The following RCOR2 variants were observed in gnomAD, a reference collection of about 807,000 sequenced individuals.
The protein encoded by RCOR2 is REST corepressor 2.
In RCOR2, 19 loss-of-function variants were observed where a neutral mutation model predicts 58.9. The observed-to-expected ratio is 0.32, with a 90% CI of 0.23 to 0.47. The LOEUF (loss-of-function observed/expected upper bound fraction) is 0.47, where lower values mean the gene tolerates loss of function less well. Among genes scored for constraint, RCOR2 ranks in the 20% least tolerant of loss-of-function variants. The probability of loss-of-function intolerance (pLI) is 1.00; values close to 1 mark genes in which losing one functional copy is unlikely to be tolerated. For missense variants in RCOR2, 590 were observed against 707.9 expected (o/e 0.83, Z 1.89); for synonymous variants, 286 against 278.7 (o/e 1.03, Z -0.26).
chr11:63,913,500 T>TTTTTTTTTTTTTTGG (rs1590734528), intron 8 of RCOR2, among the ~76,000 whole-genome samples: 2 of 147,320 alleles, frequency 1.4e-5, no homozygotes. Flanking sequence ...TATTTTTTTT[T>TTTTTTTTTTTTTTGG]GAGACGGAAT....
the RCOR2 span, among the ~76,000 whole-genome samples, chr11:63,924,938 C>A: frequency 4.0e-5 from 6 of 151,700 alleles, no homozygotes; most frequent in Non-Finnish European, 8.8e-5. Flanking sequence ...GCAACCTCCA[C>A]CTCCTGGGTT....
In RCOR2 at chr11:63,911,857, G is replaced by A. The variant is rs1353327010; in HGVS notation, c.*8C>T. The A allele has an allele frequency of 3.4e-5, 51 of 1,478,800 alleles. No homozygotes were observed. Among genetic ancestry groups the A allele is most frequent in the Non-Finnish European group, 4.1e-5 (46 of 1,124,460 alleles). 91.6% of individuals were successfully genotyped at this position (1,478,800 alleles called of 1,614,324 possible). A position where few individuals can be genotyped will look rare whatever the true frequency, so the allele number is the denominator to read the frequency against. ...CTGGAGCCCGTGGTTGGTGGAGGACGTCAGGGCTCAGAGTGAGGGTGCTGG... is the reference window on the plus strand; with the variant it reads ...CTGGAGCCCGTGGTTGGTGGAGGACATCAGGGCTCAGAGTGAGGGTGCTGG... On this transcript the variant is annotated 3_prime_UTR_variant, in exon 12 of 12. Transcript: ENST00000301459.
At chr11:63,916,166 G>A (rs1010931767) in intron 1 of RCOR2, among the ~76,000 whole-genome samples, 164 bp downstream of exon 1, 1 of 152,258 alleles carries the variant, frequency 6.6e-6, no homozygotes, top group African/African-American at 2.4e-5. Flanking sequence ...CAGATTGGCT[G>A]TGCCGGCAGC....
Position 63,911,691 on chromosome 11 carries a change from A to G in RCOR2, c.*174T>C. Reference sequence around the variant, plus strand: ...GGCCATGGCCCCAGGAGACAGGCCCAGCTGCCAGGAACACATGCAGAACCC... The same window carrying G: ...GGCCATGGCCCCAGGAGACAGGCCCGGCTGCCAGGAACACATGCAGAACCC... On this transcript the variant is annotated 3_prime_UTR_variant, in exon 12 of 12. Transcript: ENST00000301459. 4 of 1,090,962 alleles carry G rather than the reference A, an allele frequency of 3.7e-6. No individual in the cohort carries two copies. Among genetic ancestry groups the G allele is most frequent in the Non-Finnish European group, 4.8e-6 (4 of 827,206 alleles). The allele number at this position is 1,090,962 out of a possible 1,614,324, so 67.6% of individuals were successfully genotyped here.
At chr11:63,913,184 ATTTTT>A (rs71039683) in intron 8 of RCOR2, among the ~76,000 whole-genome samples, 68 of 77,846 alleles carry the variant, frequency 8.7e-4, no homozygotes, top group African/African-American at 3.1e-3. Context: ...ATATATATAT[ATTTTT>A]TTTTTTTTTT....
In RCOR2 at chr11:63,914,274, T is replaced by C. The variant is rs746975542; in HGVS notation, c.662A>G (p.Asp221Gly). Reference protein sequence around the residue: ...GVSEGEPDPADPKREPLPSRP... With the variant: ...GVSEGEPDPAGPKREPLPSRP... ...CTGGGAGCTCACCTCTCTCTTGGGA[T>C]CTGCAGGATCGGGCTCTCCCTCACT... Residue 221 changes from aspartate to glycine, a missense_variant, in exon 7 of 12, where the codon GAT becomes GGT. Physicochemically the swap from Asp to Gly is moderately conservative, Grantham distance 94 (BLOSUM62 -1). Transcript: ENST00000301459. The C allele has an allele frequency of 6.2e-7, 1 of 1,613,420 alleles. No homozygotes were observed. Among genetic ancestry groups the C allele is most frequent in the Non-Finnish European group, 8.5e-7 (1 of 1,179,966 alleles).
Position 63,911,367 on chromosome 11 carries a change from G to A in RCOR2, c.*498C>T, listed in dbSNP as rs891601364. The A allele has an allele frequency of 7.2e-5, 11 of 152,610 alleles. No individual in the cohort carries two copies. The highest frequency in any genetic ancestry group is 2.7e-4 in the African/African-American group (11 of 41,426). 9.5% of individuals were successfully genotyped at this position (152,610 alleles called of 1,614,324 possible). A position where few individuals can be genotyped will look rare whatever the true frequency, so the allele number is the denominator to read the frequency against. On this transcript the variant is annotated 3_prime_UTR_variant, in exon 12 of 12. Transcript: ENST00000301459. ...CTCAGCTCCTTAGCATTTCCCAGCTGGCCCCTGAAGACAGAGCTTCTCTTC... is the reference window on the plus strand; with the variant it reads ...CTCAGCTCCTTAGCATTTCCCAGCTAGCCCCTGAAGACAGAGCTTCTCTTC...
chr11:63,926,884 C>T, the RCOR2 span, among the ~76,000 whole-genome samples: 1 of 145,702 alleles, frequency 6.9e-6, no homozygotes, highest in Non-Finnish European at 1.5e-5. Flanking sequence ...TGCAGTGGCG[C>T]GATCTCGGCT....
At chr11:63,924,852 G>A in the RCOR2 span, among the ~76,000 whole-genome samples, 49 of 55,872 alleles carry the variant, frequency 8.8e-4, no homozygotes, top group Non-Finnish European at 1.9e-3. Flanking sequence ...CCCAGCCAAG[G>A]TGATTTTTTT....
chr11:63,912,290 T>G lies in RCOR2; in HGVS notation c.1257+15A>C. 4.4e-6 allele frequency: 7 copies of G among 1,602,276 alleles called. No homozygotes were observed. Among genetic ancestry groups the G allele is most frequent in the Non-Finnish European group, 6.0e-6 (7 of 1,170,114 alleles). On this transcript the variant is annotated intron_variant, in intron 11 of 11. Coordinates refer to ENST00000301459, the MANE Select transcript of RCOR2 (RefSeq NM_173587.4). ...GCCTCTCCTCTCTGAGGGGTTTCTC[T>G]CACCCCCTTCTCACCTCATCATCTT...
chr11:63,919,099 A>G (rs917430792), upstream of RCOR2, among the ~76,000 whole-genome samples: 1 of 151,864 alleles, frequency 6.6e-6, no homozygotes, highest in African/African-American at 2.4e-5. Flanking sequence ...GGGTTGGGAG[A>G]GTCCCTAGGC....
Position 63,913,939 on chromosome 11 carries a change from T to C in RCOR2, c.891+15A>G, listed in dbSNP as rs1298190221. ...TGCCACCTTTGCATAGCCCGTTCATTTCCCAGGGCCCCACCTGGCGCTTGA... is the reference window on the plus strand; with the variant it reads ...TGCCACCTTTGCATAGCCCGTTCATCTCCCAGGGCCCCACCTGGCGCTTGA... On this transcript the variant is annotated intron_variant, in intron 8 of 11. Coordinates refer to ENST00000301459, the MANE Select transcript of RCOR2 (RefSeq NM_173587.4). 1.9e-6 allele frequency: 3 copies of C among 1,612,616 alleles called. No homozygotes were observed. The highest frequency in any genetic ancestry group is 8.5e-7 in the Non-Finnish European group (1 of 1,179,232).
chr11:63,917,642 G>A (rs2134250155), upstream of RCOR2, among the ~76,000 whole-genome samples: 1 of 152,320 alleles, frequency 6.6e-6, no homozygotes, highest in East Asian at 1.9e-4. Flanking sequence ...AGGCTGGACA[G>A]GCAAGGAATG....
chr11:63,923,429 C>T, the RCOR2 span, among the ~76,000 whole-genome samples: 2 of 151,964 alleles, frequency 1.3e-5, no homozygotes, highest in Non-Finnish European at 2.9e-5. Flanking sequence ...GAGATGTTCA[C>T]ACCCCTCCAT....
rs1259964050 is a variant in RCOR2, at chr11:63,911,983, G to A, written c.1454C>T (p.Pro485Leu). The A allele has an allele frequency of 2.2e-6, 3 of 1,363,240 alleles. No individual in the cohort carries two copies. In the African/African-American group the frequency reaches 4.4e-5, roughly 20 times the overall value. The allele number at this position is 1,363,240 out of a possible 1,614,324, so 84.4% of individuals were successfully genotyped here. A position where few individuals can be genotyped will look rare whatever the true frequency, so the allele number is the denominator to read the frequency against. The change falls in exon 12 of 12, where the codon CCC (proline) becomes CTC (leucine). Residue 485 changes from proline to leucine, a missense_variant. This residue lies in a region of RCOR2 where 196 missense variants were observed against 210.7 expected (regional missense o/e 0.93). Transcript: ENST00000301459. The part of the protein sequence containing the change: ...FLQPRLAPNQ[P>L]PPPLIRPALA... ...AGCGGGGCGGATGAGAGGCGGTGGG[G>A]GCTGGTTGGGGGCCAGCCGGGGCTG...
chr11:63,925,914 T>C, the RCOR2 span, among the ~76,000 whole-genome samples: 1 of 152,104 alleles, frequency 6.6e-6, no homozygotes, highest in Admixed American at 6.6e-5. Context: ...CTGGACCTTT[T>C]ATTTTTATTT....
chr11:63,912,165 C>T lies in RCOR2; in HGVS notation c.1272G>A (p.Ser424=), dbSNP rs754075337. Residue 424 remains serine (S), a synonymous_variant, in exon 12 of 12, where the codon TCG becomes TCA. Coordinates refer to ENST00000301459, the MANE Select transcript of RCOR2 (RefSeq NM_173587.4). ...CTGATCGGGGCACGGACGTGGAGAC[C>T]GATGTAATCTGGACCTGAGGGGAGA... ...LEEDDEVQIT[S]VSTSVPRSVP... is the part of the protein sequence containing the mutation. 1.7e-5 allele frequency: 26 copies of T among 1,550,604 alleles called. No homozygotes were observed. The African/African-American group carries it at 2.6e-4, about 16-fold the overall frequency.
In RCOR2 at chr11:63,914,071, G is replaced by T; in HGVS notation, c.774C>A (p.Arg258=). ...YRHHPLRTRR[R]PPKGMYLSPE... ...GGCTCAGGTACATGCCCTTGGGTGG[G>T]CGACGCCGGGTTCGCAAGGGATGGT... Residue 258 remains arginine, a synonymous_variant, in exon 8 of 12, where the codon CGC becomes CGA. Coordinates refer to ENST00000301459, the MANE Select transcript of RCOR2 (RefSeq NM_173587.4). 1 of 1,613,872 alleles carries T rather than the reference G, an allele frequency of 6.2e-7. No homozygotes were observed. Among genetic ancestry groups the T allele is most frequent in the Non-Finnish European group, 8.5e-7 (1 of 1,179,980 alleles).
chr11:63,916,425 C>T lies in RCOR2; in HGVS notation c.32G>A (p.Gly11Asp), dbSNP rs2134248957. The T allele has an allele frequency of 1.2e-6, 2 of 1,607,584 alleles. No homozygotes were observed. Among genetic ancestry groups the T allele is most frequent in the South Asian group, 1.1e-5 (1 of 89,806 alleles). Residue 11 changes from glycine (G) to aspartate (D), a missense_variant, in exon 1 of 12, where the codon GGC becomes GAC. This residue lies in a region of RCOR2 where 390 missense variants were observed against 478.7 expected (regional missense o/e 0.81). Coordinates refer to ENST00000301459, the MANE Select transcript of RCOR2 (RefSeq NM_173587.4). The stretch of plus-strand genomic sequence containing the variant: ...CCGGCTACGGGACAGGATCCCAGAG[C>T]CCGCGCTCGGCTTCTCCATCACTGA... MPSVMEKPSA[G>D]SGILSRSRAK...
Sources: gnomAD v4.1 joint callset for allele counts (sites outside exome capture counted in the v4.1 genomes callset) on GRCh38, gnomAD v4.1.1 for gene constraint, gnomAD v4.1.1 regional missense constraint, MANE v1.5 for transcripts, NCBI Gene and HGNC (gene_info 2026-07-23, HGNC 2026-07-21) for gene names.